Variants in PRIMPOL observed in about 807,000 individuals in gnomAD.
The protein encoded by PRIMPOL is primase and DNA directed polymerase.
PRIMPOL carries 54 observed loss-of-function variants against 63.6 expected under a neutral mutation model. The observed-to-expected ratio is 0.85, with a 90% CI of 0.68 to 1.07. The LOEUF (loss-of-function observed/expected upper bound fraction) is 1.07, where lower values mean the gene tolerates loss of function less well. Ranked by LOEUF, PRIMPOL falls within the 50% of genes least tolerant of loss-of-function variation. The probability of loss-of-function intolerance (pLI) is 0.00; values close to 1 mark genes in which losing one functional copy is unlikely to be tolerated. For missense variants in PRIMPOL, 610 were observed against 648.3 expected (o/e 0.94, Z 0.64); for synonymous variants, 197 against 220.2 (o/e 0.89, Z 0.93).
chr4:184,659,342 C>T lies in PRIMPOL; in HGVS notation c.183C>T (p.Asp61=), dbSNP rs145216655. The stretch of plus-strand genomic sequence containing the variant: ...AATTCTTTTTTGATTTTATGCAGGA[C>T]GTTCATGTATTTGCTTTGGAATGCA... The part of the protein sequence containing the change: ...AFNFVKSCKE[D]VHVFALECKV... The change falls in exon 4 of 14, where the codon GAC becomes GAT. Residue 61 remains aspartate (D), a splice_region_variant and synonymous_variant. Transcript: ENST00000314970. 87 of 1,609,544 alleles carry T rather than the reference C, an allele frequency of 5.4e-5. No homozygotes were observed. In the African/African-American group the frequency reaches 9.3e-4, roughly 17 times the overall value.
intron 5 of PRIMPOL, among the ~76,000 whole-genome samples, chr4:184,663,033 A>ATTC (rs1579354202): frequency 2.2e-5 from 3 of 138,554 alleles, no homozygotes; most frequent in South Asian, 2.3e-4. Context: ...TATTATTATT[A>ATTC]TTATTATTAT....
At chr4:184,675,467 G>T (rs28701541) in intron 7 of PRIMPOL, among the ~76,000 whole-genome samples, 6,490 of 151,612 alleles carry the variant, frequency 0.043, 457 homozygotes, top group African/African-American at 0.15. Flanking sequence ...AATATTTTAG[G>T]CTATACGGTT....
intron 13 of PRIMPOL, among the ~76,000 whole-genome samples, chr4:184,693,491 CACTT>C (rs1759546942): frequency 6.6e-6 from 1 of 152,180 alleles, no homozygotes; most frequent in Non-Finnish European, 1.5e-5. Context: ...ATGTAGCTGT[CACTT>C]AGTTTTCAGT....
chr4:184,674,785 T>C (rs1323726717), intron 7 of PRIMPOL, among the ~76,000 whole-genome samples: 1 of 152,222 alleles, frequency 6.6e-6, no homozygotes, highest in Admixed American at 6.5e-5. Context: ...ATATTTACAG[T>C]ACTGTACTGT....
At chr4:184,672,125 C>A in intron 6 of PRIMPOL, 48 bp from the exon 7 acceptor site, 2 of 1,460,082 alleles carry the variant, frequency 1.4e-6, no homozygotes, top group South Asian at 1.3e-5. Flanking sequence ...CCTTAAGATG[C>A]GGTGTGTGGA....
chr4:184,681,669 G>A (rs1186775801), intron 8 of PRIMPOL, among the ~76,000 whole-genome samples: 1 of 151,980 alleles, frequency 6.6e-6, no homozygotes, highest in Non-Finnish European at 1.5e-5. Flanking sequence ...CTGCCTCCTG[G>A]GTTCAAGCAG....
chr4:184,653,973 A>T (rs2696059), intron 2 of PRIMPOL, among the ~76,000 whole-genome samples: 126,754 of 152,176 alleles, frequency 0.83, 53,291 homozygotes, highest in East Asian at 1. Context: ...AGCTGTTAAA[A>T]TTTTCAAGCT....
chr4:184,689,055 A>AT (rs1014145594), intron 11 of PRIMPOL, among the ~76,000 whole-genome samples: 35 of 148,810 alleles, frequency 2.4e-4, no homozygotes, highest in African/African-American at 6.6e-4. Flanking sequence ...CCATTTTTTC[A>AT]TTTTTTTGAG....
intron 5 of PRIMPOL, among the ~76,000 whole-genome samples, chr4:184,662,699 A>G (rs911356094): frequency 6.6e-6 from 1 of 152,176 alleles, no homozygotes; most frequent in Non-Finnish European, 1.5e-5. Context: ...TAATAATGTT[A>G]TAGATTACCC....
chr4:184,678,266 T>C lies in PRIMPOL; in HGVS notation c.879T>C (p.Tyr293=). The C allele has an allele frequency of 6.3e-7, 1 of 1,598,988 alleles. No homozygotes were observed. The highest frequency in any genetic ancestry group is 8.5e-7 in the Non-Finnish European group (1 of 1,174,836). Residue 293 remains tyrosine (Y), a synonymous_variant, in exon 8 of 14, where the codon TAT becomes TAC. Transcript: ENST00000314970. ...VYTRNRNFRL[Y]KSSKIGKRVA... ...CAAGAAATAGAAACTTTCGGCTATA[T>C]AAATCATCAAAAATTGGAAAGCGTG...
Position 184,661,758 on chromosome 4 carries a change from G to A in PRIMPOL, c.279-16G>A. ...TATAATATATCAATTTAACAATCTT[G>A]AATTATTCAATTTAGAAAAAATCTC... On this transcript the variant is annotated splice_polypyrimidine_tract_variant and intron_variant, in intron 4 of 13. Transcript: ENST00000314970. The A allele has an allele frequency of 6.6e-7, 1 of 1,513,740 alleles. No individual in the cohort carries two copies. Among genetic ancestry groups the A allele is most frequent in the Admixed American group, 1.7e-5 (1 of 57,638 alleles). The allele number at this position is 1,513,740 out of a possible 1,614,324, so 93.8% of individuals were successfully genotyped here.
At chr4:184,679,406 T>C (rs2150129186) in intron 8 of PRIMPOL, among the ~76,000 whole-genome samples, 1 of 152,246 alleles carries the variant, frequency 6.6e-6, no homozygotes, top group South Asian at 2.1e-4. Flanking sequence ...CAGTGAGCTA[T>C]GAATGCACCA....
At chr4:184,666,742 G>A (rs1750000784) in intron 6 of PRIMPOL, among the ~76,000 whole-genome samples, 1 of 152,120 alleles carries the variant, frequency 6.6e-6, no homozygotes, top group South Asian at 2.1e-4. Flanking sequence ...CTTGCTTTGG[G>A]GCTTCGGTCC....
At chr4:184,655,241 C>T (rs1053400385) in intron 2 of PRIMPOL, among the ~76,000 whole-genome samples, 1 of 151,244 alleles carries the variant, frequency 6.6e-6, no homozygotes, top group Non-Finnish European at 1.5e-5. Context: ...AACTCCTGAC[C>T]TCAGGTAATC....
At chr4:184,657,055 G>T in intron 2 of PRIMPOL, 27 bp from the exon 3 acceptor site, 1 of 932,666 alleles carries the variant, frequency 1.1e-6, no homozygotes, top group Non-Finnish European at 1.5e-6. Context: ...AGAAATTAAT[G>T]GCCTTTTTGT....
intron 11 of PRIMPOL, among the ~76,000 whole-genome samples, chr4:184,688,252 A>G (rs993720801): frequency 6.6e-6 from 1 of 152,300 alleles, no homozygotes; most frequent in African/African-American, 2.4e-5. Flanking sequence ...GTTTTCCCAA[A>G]TGGGTGTGCC....
chr4:184,666,213 C>T, intron 6 of PRIMPOL, 149 bp downstream of exon 6: 2 of 581,500 alleles, frequency 3.4e-6, no homozygotes, highest in South Asian at 2.7e-5. Context: ...GTGGCTCACA[C>T]CTGCAATTCT....
At chr4:184,684,902 G>A (rs570306969) in intron 9 of PRIMPOL, among the ~76,000 whole-genome samples, 1 of 152,264 alleles carries the variant, frequency 6.6e-6, no homozygotes, top group Non-Finnish European at 1.5e-5. Flanking sequence ...GGGATCGGGG[G>A]TGTTGGTCAT....
intron 2 of PRIMPOL, among the ~76,000 whole-genome samples, chr4:184,653,619 G>A (rs570757564): frequency 9.9e-5 from 15 of 152,106 alleles, no homozygotes; most frequent in South Asian, 2.1e-4. Context: ...CAAAGTGCTG[G>A]GATTACAGGT....
Sources: gnomAD v4.1 joint callset for allele counts (sites outside exome capture counted in the v4.1 genomes callset) on GRCh38, gnomAD v4.1.1 for gene constraint, MANE v1.5 for transcripts, NCBI Gene and HGNC (gene_info 2026-07-23, HGNC 2026-07-21) for gene names.